TMED8: variants seen among roughly 807,000 people sequenced by gnomAD.
TMED8 encodes the protein protein TMED8.
A neutral mutation model predicts 32.7 loss-of-function variants in TMED8; 15 were observed. The ratio of observed to expected loss-of-function variants is 0.46; its 90% CI spans 0.31 to 0.71. The LOEUF is 0.71. TMED8 is among the 30% of genes least tolerant of loss of function. TMED8 has a pLI of 0.06. For synonymous variants in TMED8, 147 were observed against 161.4 expected (o/e 0.91, Z 0.68); for missense variants, 390 against 423.9 (o/e 0.92, Z 0.70).
rs1566698106 is a variant in TMED8 at position 77,376,543 on chromosome 14, A to G, written c.118+393T>C. On this transcript the variant is annotated intron_variant, in intron 1 of 5. Transcript: ENST00000216468. The surrounding 1 kb of genome is among the most constrained non-coding windows in gnomAD (Gnocchi z 4.0). ...TGAGATGGGGATAGGGTGGGGAGCC[A>G]GAAGCAGGGGGCGGCGAGGCCAGTA... 1 of 155,036 alleles carries G rather than the reference A, an allele frequency of 6.5e-6. No homozygotes were observed. Among genetic ancestry groups the G allele is most frequent in the Non-Finnish European group, 1.4e-5 (1 of 70,092 alleles). 9.6% of individuals were successfully genotyped at this position (155,036 alleles called of 1,614,324 possible). A position where few individuals can be genotyped will look rare whatever the true frequency, so the allele number is the denominator to read the frequency against.
At chr14:77,354,654 A>T (rs1036931913) in intron 1 of TMED8, among the ~76,000 whole-genome samples, 6 of 152,180 alleles carry the variant, frequency 3.9e-5, no homozygotes, top group Non-Finnish European at 4.4e-5. Flanking sequence ...TTAACTTTTT[A>T]AAAAAAGACA....
At chr14:77,375,377 G>C (rs145916859) in intron 1 of TMED8, among the ~76,000 whole-genome samples, 14 of 152,260 alleles carry the variant, frequency 9.2e-5, no homozygotes, top group Non-Finnish European at 1.6e-4. Flanking sequence ...GCGTGGGTAC[G>C]TTTGCCATAA....
At chr14:77,359,586 TTTCTAC>T (rs570280815) in intron 1 of TMED8, 1 of 411,652 alleles carries the variant, frequency 2.4e-6, no homozygotes, top group Non-Finnish European at 4.8e-6. Flanking sequence ...GAAGAGTGGC[TTTCTAC>T]TTGATCAAAA....
At position 77,376,892 on chromosome 14, in the gene TMED8, G is replaced by A; in HGVS notation, c.118+44C>T. On this transcript the variant is annotated intron_variant, in intron 1 of 5. Coordinates refer to ENST00000216468, the MANE Select transcript of TMED8 (RefSeq NM_213601.3). The surrounding 1 kb of genome is among the most constrained non-coding windows in gnomAD (Gnocchi z 4.0). ...GGCTCGCGCCGTGGTGCGGGGCCCT[G>A]AGGCCGGGCGGCACCCACCCGCCAG... 1.5e-5 allele frequency: 19 copies of A among 1,242,758 alleles called. No homozygotes were observed. The highest frequency in any genetic ancestry group is 1.9e-5 in the Non-Finnish European group (18 of 951,952). The allele number at this position is 1,242,758 out of a possible 1,614,324, so 77.0% of individuals were successfully genotyped here.
At chr14:77,346,570 A>C (rs1594841410) in intron 2 of TMED8, 92 bp from the exon 3 acceptor site, 4 of 1,522,608 alleles carry the variant, frequency 2.6e-6, no homozygotes, top group South Asian at 1.2e-5. Flanking sequence ...CATTCGAGAT[A>C]CCCCCTGCCC....
Position 77,343,373 on chromosome 14 carries a change from C to T in TMED8, c.565G>A (p.Glu189Lys). Residue 189 changes from glutamate (E) to lysine (K), a missense_variant, in exon 5 of 6, where the codon GAG becomes AAG. By Grantham distance (56) the Glu-to-Lys change is moderately conservative (BLOSUM62 1). Coordinates refer to ENST00000216468, the MANE Select transcript of TMED8 (RefSeq NM_213601.3). ...GTAGGTACCCGGATGGTCACCACCT[C>T]ACCACGCTTCACCACCAGACGGCTG... The part of the protein sequence containing the change: ...KNSRLVVKRG[E>K]VVTIRVPTHP... 3.1e-6 allele frequency: 5 copies of T among 1,614,188 alleles called. No homozygotes were observed. Among genetic ancestry groups the T allele is most frequent in the Non-Finnish European group, 4.2e-6 (5 of 1,180,036 alleles).
chr14:77,347,363 C>T (rs567912687), intron 2 of TMED8, among the ~76,000 whole-genome samples: 3 of 152,208 alleles, frequency 2.0e-5, no homozygotes, highest in African/African-American at 4.8e-5. Flanking sequence ...ACCCTGTCCC[C>T]GTTCAGTGCT....
At chr14:77,371,587 T>C (rs1322702521) in intron 1 of TMED8, among the ~76,000 whole-genome samples, 1 of 152,210 alleles carries the variant, frequency 6.6e-6, no homozygotes, top group Non-Finnish European at 1.5e-5. Context: ...AAACAACTTA[T>C]AATTGGATTC....
chr14:77,349,581 C>A (rs1893133464), intron 2 of TMED8, among the ~76,000 whole-genome samples: 1 of 152,186 alleles, frequency 6.6e-6, no homozygotes, highest in Admixed American at 6.5e-5. Flanking sequence ...GAATACTCTT[C>A]TAGGACATTA....
chr14:77,343,345 T>C lies in TMED8; in HGVS notation c.593A>G (p.His198Arg). Residue 198 changes from histidine to arginine, a missense_variant, in exon 5 of 6, where the codon CAT becomes CGT. Coordinates refer to ENST00000216468, the MANE Select transcript of TMED8 (RefSeq NM_213601.3). ...CCAGCAGACACGCTTCCCCTCTGGA[T>C]GAGTAGGTACCCGGATGGTCACCAC... Reference protein sequence around the residue: ...GEVVTIRVPTHPEGKRVCWEF... With the variant: ...GEVVTIRVPTRPEGKRVCWEF... The C allele has an allele frequency of 6.2e-7, 1 of 1,614,166 alleles. No individual in the cohort carries two copies. The highest frequency in any genetic ancestry group is 8.5e-7 in the Non-Finnish European group (1 of 1,180,026).
chr14:77,374,615 A>G (rs188369473), intron 1 of TMED8, among the ~76,000 whole-genome samples: 2 of 152,340 alleles, frequency 1.3e-5, no homozygotes, highest in African/African-American at 4.8e-5. Flanking sequence ...CTTCACATTC[A>G]TTAGATGCTC....
chr14:77,355,198 CTTTTTTT>C (rs769300656), intron 1 of TMED8, among the ~76,000 whole-genome samples: 1 of 138,850 alleles, frequency 7.2e-6, no homozygotes, highest in South Asian at 2.2e-4. Context: ...GCACTAAACA[CTTTTTTT>C]TTTTTTTTGA....
chr14:77,362,215 TGCTCTTG>T (rs1027530136), intron 1 of TMED8, among the ~76,000 whole-genome samples: 3 of 152,034 alleles, frequency 2.0e-5, no homozygotes, highest in Non-Finnish European at 2.9e-5. Context: ...CTTGTCTGCT[TGCTCTTG>T]CTAGCACTTC....
At chr14:77,346,770 T>G (rs1893054306) in intron 2 of TMED8, among the ~76,000 whole-genome samples, 1 of 139,504 alleles carries the variant, frequency 7.2e-6, no homozygotes, top group South Asian at 2.1e-4. Context: ...GTTTTTTTTT[T>G]TTTTTTTTTT....
At chr14:77,372,921 T>C (rs1893707567) in intron 1 of TMED8, among the ~76,000 whole-genome samples, 1 of 20,850 alleles carries the variant, frequency 4.8e-5, no homozygotes, top group African/African-American at 3.5e-4. Flanking sequence ...TATATATATA[T>C]ATATATATAT....
In TMED8 at chr14:77,349,106, C is replaced by CTTTTTTTTTT. The variant is rs33964835; in HGVS notation, c.197+2557_197+2566dup. 4.3e-5 allele frequency among the ~76,000 whole-genome samples: 4 copies of CTTTTTTTTTT among 91,976 alleles called. 1 individual carries two copies. The highest frequency in any genetic ancestry group is 1.4e-4 in the Admixed American group (1 of 7,152). The allele number at this position is 91,976 out of a possible 152,430, so 60.3% of individuals were successfully genotyped here. A position where few individuals can be genotyped will look rare whatever the true frequency, so the allele number is the denominator to read the frequency against. ...GCCTGCCACCTGGAACTCTAAGGCCCTTTTTTTTTTTTTTTTTTTTTGGAG... is the reference window on the plus strand; with the variant it reads ...GCCTGCCACCTGGAACTCTAAGGCCCTTTTTTTTTTTTTTTTTTTTTTTTTTTTTTTGGAG... On this transcript the variant is annotated intron_variant, in intron 2 of 5. Transcript: ENST00000216468.
rs537495743 is a variant in TMED8 at position 77,353,442 on chromosome 14, T to TC, written c.119-1692_119-1691insG. On this transcript the variant is annotated intron_variant, in intron 1 of 5. Coordinates refer to ENST00000216468, the MANE Select transcript of TMED8 (RefSeq NM_213601.3). ...CTATTTTTCTTTTCTTTTCTTTGTT[T>TC]TTTTTTTTTTTTTGGAGGGGGACAG... Among the ~76,000 whole-genome samples, 293 of 148,508 alleles carry TC rather than the reference T, an allele frequency of 2.0e-3. 1 individual carries two copies. Among genetic ancestry groups the TC allele is most frequent in the Non-Finnish European group, 3.5e-3 (237 of 67,062 alleles).
Position 77,341,734 on chromosome 14 carries a change from G to A in TMED8, c.*37C>T, listed in dbSNP as rs373388774. On this transcript the variant is annotated 3_prime_UTR_variant, in exon 6 of 6. Coordinates refer to ENST00000216468, the MANE Select transcript of TMED8 (RefSeq NM_213601.3). ...AGGCACCAGCTGGCAGCCTGCTTCA[G>A]CCAGCAAATACAGCCTGCCCCTGTC... is the stretch of plus-strand genomic sequence containing the variant. The A allele has an allele frequency of 3.7e-6, 6 of 1,606,326 alleles. No homozygotes were observed. The highest frequency in any genetic ancestry group is 2.6e-6 in the Non-Finnish European group (3 of 1,173,178).
In TMED8 at chr14:77,376,974, TC is replaced by T. The variant is rs1177949626; in HGVS notation, c.79del (p.Asp27ThrfsTer18). 3.4e-6 allele frequency: 5 copies of T among 1,451,250 alleles called. No homozygotes were observed. The Admixed American group carries it at 8.1e-5, about 24-fold the overall frequency. 89.9% of individuals were successfully genotyped at this position (1,451,250 alleles called of 1,614,324 possible). ...ARPGSAGGVGDCQGVEGSQAA... is the reference protein window; with the variant it reads ...ARPGSAGGVGXCQGVEGSQAA... ...CTGGCTCCCCTCCACTCCCTGGCAG[TC>T]CCCGACGCCGCCAGCCGACCCTGGG... On this transcript the variant is annotated frameshift_variant, in exon 1 of 6. Coordinates refer to ENST00000216468, the MANE Select transcript of TMED8 (RefSeq NM_213601.3). LOFTEE classifies it high-confidence loss of function. The surrounding 1 kb of genome is among the most constrained non-coding windows in gnomAD (Gnocchi z 4.0).
Sources: allele counts gnomAD v4.1 joint callset (sites outside exome capture counted in the v4.1 genomes callset), GRCh38; gene constraint gnomAD v4.1.1; non-coding constraint Gnocchi (gnomAD v3.1); transcripts MANE v1.5; gene names NCBI Gene and HGNC (gene_info 2026-07-23, HGNC 2026-07-21).